The following KDM4C variants were observed in gnomAD, a reference collection of about 807,000 sequenced individuals.
KDM4C encodes the protein lysine demethylase 4C.
KDM4C carries 81 observed loss-of-function variants against 129.3 expected under a neutral mutation model. The ratio of observed to expected loss-of-function variants is 0.63; its 90% confidence interval spans 0.52 to 0.75. KDM4C has a LOEUF of 0.75. Among genes scored for constraint, KDM4C ranks in the 30% least tolerant of loss-of-function variants. The pLI is 0.00. For missense variants in KDM4C, 1,457 were observed against 1,304.0 expected (o/e 1.12, Z -1.81); for synonymous variants, 573 against 456.1 (o/e 1.26, Z -3.26).
intron 4 of KDM4C, among the ~76,000 whole-genome samples, chr9:6,848,866 A>G (rs757318381): frequency 2.0e-5 from 3 of 152,124 alleles, no homozygotes; most frequent in Non-Finnish European, 4.4e-5. Flanking sequence ...ATGTGTTTAA[A>G]TTTTTCCATT....
At chr9:7,013,245 T>A (rs1045518397) in intron 13 of KDM4C, among the ~76,000 whole-genome samples, 3 of 152,220 alleles carry the variant, frequency 2.0e-5, no homozygotes, top group South Asian at 2.1e-4. Flanking sequence ...CTAAACTTTT[T>A]AAAATCTTTT....
intron 8 of KDM4C, among the ~76,000 whole-genome samples, chr9:6,951,852 T>G (rs906916189): frequency 1.3e-5 from 2 of 152,194 alleles, no homozygotes; most frequent in East Asian, 3.8e-4. Flanking sequence ...ATGAAAACAA[T>G]AGCAATATTA....
At chr9:7,014,937 C>CACAG (rs1294431903) in intron 14 of KDM4C, among the ~76,000 whole-genome samples, 1 of 151,000 alleles carries the variant, frequency 6.6e-6, no homozygotes, top group Non-Finnish European at 1.5e-5. Flanking sequence ...CACACACACA[C>CACAG]ACACACACAC....
Position 7,013,896 on chromosome 9 carries a change from T to C in KDM4C, c.2077T>C (p.Tyr693His). 1 of 1,613,990 alleles carries C rather than the reference T, an allele frequency of 6.2e-7. No homozygotes were observed. Among genetic ancestry groups the C allele is most frequent in the South Asian group, 1.1e-5 (1 of 91,074 alleles). ...CCTCATACCAGAGATGTGTTTTATT[T>C]ATAGTGAAGAAAATATAGAATATTC... ...KPLIPEMCFIYSEENIEYSPP... is the reference protein window; with the variant it reads ...KPLIPEMCFIHSEENIEYSPP... Residue 693 changes from tyrosine (Y) to histidine (H), a missense_variant, in exon 14 of 22, where the codon TAT becomes CAT. Tyr to His is a moderately conservative substitution (Grantham distance 83, BLOSUM62 2). Coordinates refer to ENST00000381309, the MANE Select transcript of KDM4C (RefSeq NM_015061.6).
At chr9:7,074,012 G>T (rs973561045) in intron 17 of KDM4C, among the ~76,000 whole-genome samples, 20 of 152,250 alleles carry the variant, frequency 1.3e-4, no homozygotes, top group African/African-American at 4.6e-4. Context: ...TTTTAAAAAA[G>T]ACAGTTCTAG....
rs546098968 is a variant in KDM4C, at chr9:6,721,040, G to C, written c.49+43G>C. The C allele has an allele frequency of 1.6e-5, 24 of 1,510,306 alleles. No homozygotes were observed. In the South Asian group the frequency reaches 2.8e-4, roughly 17 times the overall value. 93.6% of individuals were successfully genotyped at this position (1,510,306 alleles called of 1,614,324 possible). A position where few individuals can be genotyped will look rare whatever the true frequency, so the allele number is the denominator to read the frequency against. Reference sequence around the variant, plus strand: ...CATAATCCAGGACACTTTGTACATAGTTGGTGGTTCTGTCACACTTAAAGC... The same window carrying C: ...CATAATCCAGGACACTTTGTACATACTTGGTGGTTCTGTCACACTTAAAGC... On this transcript the variant is annotated intron_variant, in intron 1 of 17. Coordinates refer to the KDM4C transcript ENST00000536108.
intron 1 of KDM4C, among the ~76,000 whole-genome samples, chr9:6,765,780 C>CT (rs1424012837): frequency 1.3e-5 from 2 of 152,138 alleles, no homozygotes; most frequent in African/African-American, 2.4e-5. Context: ...ATGCTGTACT[C>CT]TATTTTCTTT....
rs574491197 is a variant in KDM4C, at chr9:6,855,778, T to C, written c.629+6078T>C. 5.9e-5 allele frequency among the ~76,000 whole-genome samples: 9 copies of C among 152,362 alleles called. No individual in the cohort carries two copies. The East Asian group carries it at 1.5e-3, about 26-fold the overall frequency. ...ATTCAAGTCTTACTTTTTAAAAGAA[T>C]GAGCAAGTTATATGGTGCCAAATTG... On this transcript the variant is annotated intron_variant, in intron 5 of 21. Transcript: ENST00000381309.
chr9:6,748,571 C>T, intron 1 of KDM4C: 1 of 547,288 alleles, frequency 1.8e-6, no homozygotes, highest in Admixed American at 2.8e-5. Context: ...CAAACAATCC[C>T]ACAGCATTTA....
chr9:6,929,011 C>G (rs1823159584), intron 8 of KDM4C, among the ~76,000 whole-genome samples: 1 of 152,210 alleles, frequency 6.6e-6, no homozygotes, highest in East Asian at 1.9e-4. Context: ...TGTGCTGCTT[C>G]ATCTTCCTGC....
At chr9:6,761,339 CT>C (rs879372765) in intron 1 of KDM4C, among the ~76,000 whole-genome samples, 61 of 145,688 alleles carry the variant, frequency 4.2e-4, no homozygotes, top group East Asian at 3.0e-3. Flanking sequence ...TCATCCTGTT[CT>C]TTTTTTTTTT....
intron 8 of KDM4C, among the ~76,000 whole-genome samples, chr9:6,975,669 G>A (rs1832797486): frequency 6.6e-6 from 1 of 152,260 alleles, no homozygotes; most frequent in African/African-American, 2.4e-5. Context: ...GTAGCTCATG[G>A]TTAAGTATAG....
chr9:7,020,723 A>G (rs1443743988), intron 15 of KDM4C, among the ~76,000 whole-genome samples: 2 of 152,140 alleles, frequency 1.3e-5, no homozygotes, highest in Non-Finnish European at 2.9e-5. Context: ...GTTACATGAG[A>G]TACTTTGATA....
At chr9:6,792,853 G>T in intron 1 of KDM4C, 119 bp from the exon 2 acceptor site, 1 of 978,192 alleles carries the variant, frequency 1.0e-6, no homozygotes. Flanking sequence ...CTGGTAGAAG[G>T]GAATGGGAAG....
intron 18 of KDM4C, among the ~76,000 whole-genome samples, chr9:7,112,570 G>C (rs1047220141): frequency 1.3e-5 from 2 of 152,198 alleles, no homozygotes; most frequent in African/African-American, 4.8e-5. Context: ...ATTTAGAACT[G>C]ATTATGAGGA....
intron 8 of KDM4C, among the ~76,000 whole-genome samples, chr9:6,906,773 A>G (rs1158934436): frequency 6.6e-6 from 1 of 151,998 alleles, no homozygotes; most frequent in African/African-American, 2.4e-5. Flanking sequence ...TCTTTGGGTT[A>G]CTAAAAGTGT....
At chr9:6,947,932 C>A (rs959663669) in intron 8 of KDM4C, 1 of 151,892 alleles carries the variant, frequency 6.6e-6, no homozygotes, top group African/African-American at 2.4e-5. Flanking sequence ...GTTTTCATTT[C>A]TTTTTTATTG....
chr9:6,990,271 C>G, intron 11 of KDM4C, 145 bp from the exon 12 acceptor site: 1 of 632,862 alleles, frequency 1.6e-6, no homozygotes, highest in Non-Finnish European at 2.8e-6. Flanking sequence ...GTTTAAATTT[C>G]TTAAAGGACT....
intron 18 of KDM4C, among the ~76,000 whole-genome samples, chr9:7,122,872 C>T (rs10976050): frequency 0.24 from 36,402 of 152,056 alleles, 4,456 homozygotes; most frequent in African/African-American, 0.27. Flanking sequence ...AACACCATAG[C>T]CATTTCTTTA....
Sources: gnomAD v4.1 joint callset for allele counts (sites outside exome capture counted in the v4.1 genomes callset) on GRCh38, gnomAD v4.1.1 for gene constraint, MANE v1.5 for transcripts, NCBI Gene and HGNC (gene_info 2026-07-23, HGNC 2026-07-21) for gene names.